POLR2G: variants seen among roughly 807,000 people sequenced by gnomAD.
The protein encoded by POLR2G is RNA polymerase II subunit G, also known as DNA-directed RNA polymerase II subunit RPB7.
In POLR2G, 19 loss-of-function variants were observed where a neutral mutation model predicts 25.7. That is an observed-to-expected ratio of 0.74 (90% CI 0.52 to 1.08). The LOEUF (loss-of-function observed/expected upper bound fraction) is 1.08. POLR2G is among the 50% of genes least tolerant of loss of function. POLR2G has a pLI of 0.00. For missense variants in POLR2G, 123 were observed against 218.5 expected (o/e 0.56, Z 2.76); for synonymous variants, 79 against 76.0 (o/e 1.04, Z -0.21).
At chr11:62,764,752 C>T (rs1259733581) in intron 3 of POLR2G, among the ~76,000 whole-genome samples, 2 of 152,112 alleles carry the variant, frequency 1.3e-5, no homozygotes, top group Admixed American at 1.3e-4. Flanking sequence ...GCTGTGATCG[C>T]ACCACTACTT....
chr11:62,761,718 C>A (rs2084089719), intron 1 of POLR2G, 58 bp downstream of exon 1: 1 of 1,608,008 alleles, frequency 6.2e-7, no homozygotes, highest in Non-Finnish European at 8.5e-7. Flanking sequence ...CAAGGCCAGG[C>A]GCCGGCGCGA....
rs1342574526 is a variant in POLR2G at position 62,761,827 on chromosome 11, G to A, written c.45G>A (p.Pro15=). The change falls in exon 2 of 8, where the codon CCG becomes CCA. Residue 15 remains proline (P), a synonymous_variant. Transcript: ENST00000301788. ...ISLEHEILLH[P]RYFGPNLLNT... ...TAGAGCACGAAATCCTGCTGCACCC[G>A]CGCTACTTCGGCCCCAACTTGCTCA... is the stretch of plus-strand genomic sequence containing the variant. 6.2e-7 allele frequency: 1 copy of A among 1,613,996 alleles called. No homozygotes were observed. The highest frequency in any genetic ancestry group is 1.7e-5 in the Admixed American group (1 of 60,022).
chr11:62,764,496 A>C (rs1466979775), intron 3 of POLR2G, among the ~76,000 whole-genome samples: 1 of 151,232 alleles, frequency 6.6e-6, no homozygotes, highest in African/African-American at 2.4e-5. Context: ...ATGAAAGCTT[A>C]AAAAAAAAGA....
intron 3 of POLR2G, among the ~76,000 whole-genome samples, chr11:62,763,817 G>A (rs1475607890): frequency 2.0e-5 from 3 of 149,362 alleles, no homozygotes; most frequent in Non-Finnish European, 4.5e-5. Context: ...ATCTCGGCTC[G>A]CTGCAACCTC....
In POLR2G at chr11:62,763,056, G is replaced by A. The variant is rs369808753; in HGVS notation, c.282+30G>A. The A allele has an allele frequency of 1.7e-5, 26 of 1,509,552 alleles. No individual in the cohort carries two copies. In the African/African-American group the frequency reaches 2.6e-4, roughly 15 times the overall value. The allele number at this position is 1,509,552 out of a possible 1,614,324, so 93.5% of individuals were successfully genotyped here. A position where few individuals can be genotyped will look rare whatever the true frequency, so the allele number is the denominator to read the frequency against. On this transcript the variant is annotated intron_variant, in intron 3 of 7. Coordinates refer to ENST00000301788, the MANE Select transcript of POLR2G (RefSeq NM_002696.3). ...GACCATACATAGGGGAGGCAGTGGG[G>A]TAGTCTCTCGGAAGATCTGGGTTGG...
chr11:62,764,429 C>T (rs1337574269), intron 3 of POLR2G, among the ~76,000 whole-genome samples: 1 of 151,820 alleles, frequency 6.6e-6, no homozygotes, highest in Admixed American at 6.6e-5. Context: ...TCACTGCACT[C>T]CAGAGTGGAG....
Position 62,766,212 on chromosome 11 carries a change from C to T in POLR2G, c.472-31C>T, listed in dbSNP as rs759714628. ...GAGGTTGGTTCTGTGCTCATCTTGG[C>T]TTCACTTTCTTTTTACCATCTTTCT... On this transcript the variant is annotated intron_variant, in intron 6 of 7. Coordinates refer to ENST00000301788, the MANE Select transcript of POLR2G (RefSeq NM_002696.3). 7 of 1,609,972 alleles carry T rather than the reference C, an allele frequency of 4.3e-6. No individual in the cohort carries two copies. The East Asian group carries it at 1.6e-4, about 36-fold the overall frequency.
rs1274957332 is a variant in POLR2G, at chr11:62,763,043, G to C, written c.282+17G>C. ...GTCAACAAGGTGAGACCATACATAGGGGAGGCAGTGGGGTAGTCTCTCGGA... is the reference window on the plus strand; with the variant it reads ...GTCAACAAGGTGAGACCATACATAGCGGAGGCAGTGGGGTAGTCTCTCGGA... On this transcript the variant is annotated intron_variant, in intron 3 of 7. Transcript: ENST00000301788. 1 of 1,552,230 alleles carries C rather than the reference G, an allele frequency of 6.4e-7. No homozygotes were observed. Among genetic ancestry groups the C allele is most frequent in the Non-Finnish European group, 8.8e-7 (1 of 1,137,332 alleles).
intron 7 of POLR2G, 35 bp from the exon 8 acceptor site, chr11:62,766,459 C>A: frequency 6.2e-7 from 1 of 1,613,314 alleles, no homozygotes; most frequent in Non-Finnish European, 8.5e-7. Context: ...CCCTAAATTC[C>A]GGTTCTAACT....
In POLR2G at chr11:62,766,477, T is replaced by G. The variant is rs1370701623; in HGVS notation, c.506-17T>G. 4 of 1,613,684 alleles carry G rather than the reference T, an allele frequency of 2.5e-6. No homozygotes were observed. In the African/African-American group the frequency reaches 5.3e-5, roughly 22 times the overall value. On this transcript the variant is annotated splice_polypyrimidine_tract_variant and intron_variant, in intron 7 of 7. Transcript: ENST00000301788. ...TAAATTCCGGTTCTAACTGATATGCTTTTTCTGGTTTCGCAGGGCTTGTAA... is the reference window on the plus strand; with the variant it reads ...TAAATTCCGGTTCTAACTGATATGCGTTTTCTGGTTTCGCAGGGCTTGTAA...
chr11:62,766,475 G>A lies in POLR2G; in HGVS notation c.506-19G>A, dbSNP rs374290797. On this transcript the variant is annotated intron_variant, in intron 7 of 7. Coordinates refer to ENST00000301788, the MANE Select transcript of POLR2G (RefSeq NM_002696.3). Reference sequence around the variant, plus strand: ...CCTAAATTCCGGTTCTAACTGATATGCTTTTTCTGGTTTCGCAGGGCTTGT... The same window carrying A: ...CCTAAATTCCGGTTCTAACTGATATACTTTTTCTGGTTTCGCAGGGCTTGT... 1 of 1,613,932 alleles carries A rather than the reference G, an allele frequency of 6.2e-7. No individual in the cohort carries two copies. Among genetic ancestry groups the A allele is most frequent in the South Asian group, 1.1e-5 (1 of 91,072 alleles).
chr11:62,766,574 AGAG>A lies in POLR2G; in HGVS notation c.*69_*71del. On this transcript the variant is annotated 3_prime_UTR_variant, in exon 8 of 8. Transcript: ENST00000301788. Reference sequence around the variant, plus strand: ...GATTGTCACACTTATCATGTTGTCCAGAGGTCCAGTCTGGCTGCTGTTGTGGAG... The same window carrying A: ...GATTGTCACACTTATCATGTTGTCCAGTCCAGTCTGGCTGCTGTTGTGGAG... The A allele has an allele frequency of 6.7e-7, 1 of 1,499,940 alleles. No homozygotes were observed. The highest frequency in any genetic ancestry group is 9.3e-7 in the Non-Finnish European group (1 of 1,077,318). 92.9% of individuals were successfully genotyped at this position (1,499,940 alleles called of 1,614,324 possible). A position where few individuals can be genotyped will look rare whatever the true frequency, so the allele number is the denominator to read the frequency against.
chr11:62,765,088 A>G, intron 3 of POLR2G, 94 bp from the exon 4 acceptor site: 1 of 1,021,446 alleles, frequency 9.8e-7, no homozygotes, highest in Non-Finnish European at 1.5e-6. Context: ...GAAACTCCTG[A>G]CCTCGTGATC....
intron 2 of POLR2G, chr11:62,762,549 ACTGT>A (rs1404287121): frequency 4.2e-6 from 2 of 473,912 alleles, no homozygotes; most frequent in Admixed American, 2.3e-5. Context: ...CAGAATCAAG[ACTGT>A]CTGGGGCAGA....
In POLR2G at chr11:62,766,684, C is replaced by G. The variant is rs1045183; in HGVS notation, c.*177C>G. The G allele has an allele frequency of 3.3e-6, 2 of 600,308 alleles. No homozygotes were observed. Among genetic ancestry groups the G allele is most frequent in the Admixed American group, 3.1e-5 (1 of 32,536 alleles). 37.2% of individuals were successfully genotyped at this position (600,308 alleles called of 1,614,324 possible). A position where few individuals can be genotyped will look rare whatever the true frequency, so the allele number is the denominator to read the frequency against. On this transcript the variant is annotated 3_prime_UTR_variant, in exon 8 of 8. Coordinates refer to ENST00000301788, the MANE Select transcript of POLR2G (RefSeq NM_002696.3). ...GCCTCCTCATTTTTCAGTATGTGTT[C>G]TAAGTATAAAAAGTCCTTGGTTCTC...
chr11:62,766,457 T>C (rs1214827322), intron 7 of POLR2G, 37 bp from the exon 8 acceptor site: 2 of 1,613,380 alleles, frequency 1.2e-6, no homozygotes, highest in Non-Finnish European at 1.7e-6. Context: ...TACCCTAAAT[T>C]CCGGTTCTAA....
At chr11:62,764,019 G>A (rs984808977) in intron 3 of POLR2G, among the ~76,000 whole-genome samples, 1 of 151,670 alleles carries the variant, frequency 6.6e-6, no homozygotes. Flanking sequence ...TGGGATTATA[G>A]GCGTGAGCCA....
chr11:62,764,542 C>T (rs1204370533), intron 3 of POLR2G, among the ~76,000 whole-genome samples: 1 of 152,048 alleles, frequency 6.6e-6, no homozygotes, highest in Non-Finnish European at 1.5e-5. Flanking sequence ...CACCTATAAT[C>T]CCAGTGCTTT....
chr11:62,765,870 C>G, intron 6 of POLR2G, 146 bp downstream of exon 6: 1 of 619,076 alleles, frequency 1.6e-6, no homozygotes, highest in South Asian at 1.9e-5. Flanking sequence ...TCACTGCAAG[C>G]TCTGCCTCCC....
Sources: allele counts gnomAD v4.1 joint callset (sites outside exome capture counted in the v4.1 genomes callset), GRCh38; gene constraint gnomAD v4.1.1; transcripts MANE v1.5; gene names NCBI Gene and HGNC (gene_info 2026-07-23, HGNC 2026-07-21).